The following NCOA1 variants were observed in gnomAD, a reference collection of about 807,000 sequenced individuals.
NCOA1 encodes nuclear receptor coactivator 1.
NCOA1 carries 35 observed loss-of-function variants against 150.9 expected under a neutral mutation model. That is an observed-to-expected ratio of 0.23 (90% CI 0.18 to 0.31). The LOEUF is 0.31. NCOA1 is among the 10% of genes least tolerant of loss of function. The probability of loss-of-function intolerance (pLI) is 1.00; values close to 1 mark genes in which losing one functional copy is unlikely to be tolerated. For synonymous variants in NCOA1, 590 were observed against 630.0 expected (o/e 0.94, Z 0.95); for missense variants, 1,491 against 1,749.3 (o/e 0.85, Z 2.63).
rs1558806431 is a variant in NCOA1, at chr2:24,576,154, T to TTTTTG, written c.-259-8318_-259-8317insGTTTT. Among the ~76,000 whole-genome samples the TTTTTG allele has an allele frequency of 1.4e-3, 127 of 93,980 alleles. 1 individual carries two copies. The highest frequency in any genetic ancestry group is 2.0e-3 in the Non-Finnish European group (91 of 45,946). 61.7% of individuals were successfully genotyped at this position (93,980 alleles called of 152,430 possible). A position where few individuals can be genotyped will look rare whatever the true frequency, so the allele number is the denominator to read the frequency against. ...TCAGAAATTATTTGGCCTTTGTTTTTTTTTTTTTGTTTTTTGTTTTTTTTT... is the reference window on the plus strand; with the variant it reads ...TCAGAAATTATTTGGCCTTTGTTTTTTTTTGTTTTTTTTGTTTTTTGTTTTTTTTT... On this transcript the variant is annotated intron_variant, in intron 2 of 22. Coordinates refer to ENST00000348332, the MANE Select transcript of NCOA1 (RefSeq NM_003743.5).
rs116311432 is a variant in NCOA1, at chr2:24,544,855, A to G, written c.-395-19440A>G. Among the ~76,000 whole-genome samples, 1,256 of 152,280 alleles carry G rather than the reference A, an allele frequency of 8.2e-3. 7 individuals are homozygous for G. Among genetic ancestry groups the G allele is most frequent in the Non-Finnish European group, 0.012 (818 of 68,026 alleles). ...AACATTGCACATGTATATTGGGATT[A>G]AAAAAATAAGTAAATGAATGGTGAA... On this transcript the variant is annotated intron_variant, in intron 1 of 22. Transcript: ENST00000348332.
chr2:24,582,823 T>G, intron 2 of NCOA1, among the ~76,000 whole-genome samples: 1 of 152,162 alleles, frequency 6.6e-6, no homozygotes, highest in African/African-American at 2.4e-5. Flanking sequence ...AACTGATTTT[T>G]AACAGAGGCA....
intron 1 of NCOA1, among the ~76,000 whole-genome samples, chr2:24,526,892 TA>T (rs567090626): frequency 6.6e-6 from 1 of 152,048 alleles, no homozygotes; most frequent in African/African-American, 2.4e-5. Context: ...TAATACAGAT[TA>T]AAAAAATACA....
intron 2 of NCOA1, among the ~76,000 whole-genome samples, chr2:24,580,683 G>A (rs1667158968): frequency 6.6e-6 from 1 of 151,942 alleles, no homozygotes; most frequent in Admixed American, 6.5e-5. Flanking sequence ...CAGTTATTTT[G>A]TTGTTTCAAG....
intron 3 of NCOA1, among the ~76,000 whole-genome samples, chr2:24,587,131 C>T (rs955399168): frequency 1.3e-5 from 2 of 151,940 alleles, no homozygotes; most frequent in Non-Finnish European, 2.9e-5. Flanking sequence ...TGGGAACTCC[C>T]CTCGTACTGC....
chr2:24,704,337 TTAG>T (rs1283257614), intron 11 of NCOA1, among the ~76,000 whole-genome samples: 1 of 152,082 alleles, frequency 6.6e-6, no homozygotes, highest in Non-Finnish European at 1.5e-5. Flanking sequence ...CAGTCATATC[TTAG>T]TAGAGCTGTT....
At chr2:24,645,211 G>A (rs1670411880) in intron 4 of NCOA1, among the ~76,000 whole-genome samples, 1 of 151,844 alleles carries the variant, frequency 6.6e-6, no homozygotes, top group South Asian at 2.1e-4. Context: ...ATCAGTTTTG[G>A]CCAGGTGCTG....
At chr2:24,658,631 A>G in intron 4 of NCOA1, 30 bp from the exon 5 acceptor site, 1 of 1,525,928 alleles carries the variant, frequency 6.6e-7, no homozygotes, top group Non-Finnish European at 9.1e-7. Flanking sequence ...TCATAAGGGT[A>G]GATTTCTTAC....
intron 22 of NCOA1, among the ~76,000 whole-genome samples, chr2:24,763,076 G>T (rs1664867185): frequency 6.6e-6 from 1 of 152,176 alleles, no homozygotes; most frequent in Non-Finnish European, 1.5e-5. Flanking sequence ...GCCACTAATT[G>T]TTATTTTGTA....
At chr2:24,689,049 A>G (rs553210175) in intron 8 of NCOA1, among the ~76,000 whole-genome samples, 1 of 152,128 alleles carries the variant, frequency 6.6e-6, no homozygotes, top group Non-Finnish European at 1.5e-5. Context: ...CAAAGATCAG[A>G]TGGCTGTAGG....
At chr2:24,600,701 T>C (rs1668074864) in intron 3 of NCOA1, among the ~76,000 whole-genome samples, 1 of 152,236 alleles carries the variant, frequency 6.6e-6, no homozygotes, top group South Asian at 2.1e-4. Context: ...TCTTTCCAGA[T>C]AGGAATTTCT....
chr2:24,604,760 T>C (rs1668281711), intron 3 of NCOA1, among the ~76,000 whole-genome samples: 1 of 152,198 alleles, frequency 6.6e-6, no homozygotes, highest in African/African-American at 2.4e-5. Flanking sequence ...ATCTTATCAT[T>C]TGTGTGTTCG....
At position 24,707,712 on chromosome 2, in the gene NCOA1, C is replaced by T; in HGVS notation, c.2242C>T (p.Leu748Phe). ...GAAAAAAGAATCAAAAGACCATCAGCTCCTACGCTATCTTTTAGATAAAGA... is the reference window on the plus strand; with the variant it reads ...GAAAAAAGAATCAAAAGACCATCAGTTCCTACGCTATCTTTTAGATAAAGA... Reference protein sequence around the residue: ...SKKKESKDHQLLRYLLDKDEK... With the variant: ...SKKKESKDHQFLRYLLDKDEK... The change falls in exon 13 of 23, where the codon CTC (leucine) becomes TTC (phenylalanine). Residue 748 changes from leucine (L) to phenylalanine (F), a missense_variant. This residue lies in a region of NCOA1 where 703 missense variants were observed against 717.7 expected (regional missense o/e 0.98). Transcript: ENST00000348332. The T allele has an allele frequency of 6.2e-7, 1 of 1,614,118 alleles. No individual in the cohort carries two copies. Among genetic ancestry groups the T allele is most frequent in the Non-Finnish European group, 8.5e-7 (1 of 1,179,962 alleles).
intron 3 of NCOA1, among the ~76,000 whole-genome samples, chr2:24,587,933 C>G (rs1043539891): frequency 6.6e-6 from 1 of 152,162 alleles, no homozygotes; most frequent in Non-Finnish European, 1.5e-5. Flanking sequence ...TGAATGATAG[C>G]CCTTGAAATC....
intron 2 of NCOA1, among the ~76,000 whole-genome samples, chr2:24,575,255 G>T (rs374704863): frequency 1.4e-4 from 22 of 152,146 alleles, no homozygotes; most frequent in African/African-American, 5.3e-4. Flanking sequence ...TAAATCTGCT[G>T]TCCTATGCAG....
chr2:24,586,639 T>C (rs1198514326), intron 3 of NCOA1, among the ~76,000 whole-genome samples: 1 of 152,146 alleles, frequency 6.6e-6, no homozygotes, highest in Non-Finnish European at 1.5e-5. Flanking sequence ...TGTTTTTGTA[T>C]AGACAGGGTT....
intron 1 of NCOA1, among the ~76,000 whole-genome samples, chr2:24,502,541 C>T (rs1284150933): frequency 6.6e-6 from 1 of 152,194 alleles, no homozygotes; most frequent in African/African-American, 2.4e-5. Context: ...CAGAAACCTT[C>T]AGTGGTTCCT....
intron 1 of NCOA1, among the ~76,000 whole-genome samples, chr2:24,518,978 A>C (rs1664313291): frequency 6.6e-6 from 1 of 152,198 alleles, no homozygotes; most frequent in Non-Finnish European, 1.5e-5. Flanking sequence ...CTGATTCTAA[A>C]ATTCATATAG....
At chr2:24,666,182 T>G (rs1671418067) in intron 6 of NCOA1, among the ~76,000 whole-genome samples, 1 of 151,632 alleles carries the variant, frequency 6.6e-6, no homozygotes, top group African/African-American at 2.4e-5. Context: ...TGGCTGATCT[T>G]TTTGTATTTT....
Sources: gnomAD v4.1 joint callset for allele counts (sites outside exome capture counted in the v4.1 genomes callset) on GRCh38, gnomAD v4.1.1 for gene constraint, gnomAD v4.1.1 regional missense constraint, MANE v1.5 for transcripts, NCBI Gene and HGNC (gene_info 2026-07-23, HGNC 2026-07-21) for gene names.